Variants in MYH10 observed in about 807,000 individuals in gnomAD.
The protein encoded by MYH10 is myosin-10.
A neutral mutation model predicts 257.8 loss-of-function variants in MYH10; 55 were observed. The observed-to-expected ratio is 0.21, with a 90% CI of 0.17 to 0.27. MYH10 has a LOEUF of 0.27. Ranked by LOEUF, MYH10 falls within the 10% of genes least tolerant of loss-of-function variation. The probability of loss-of-function intolerance (pLI) is 1.00; values close to 1 mark genes in which losing one functional copy is unlikely to be tolerated. For missense variants in MYH10, 1,631 were observed against 2,500.6 expected, an observed-to-expected ratio of 0.65 and a Z score of 7.42; for synonymous variants, 854 against 921.7, an observed-to-expected ratio of 0.93 and a Z score of 1.33.
intron 6 of MYH10, among the ~76,000 whole-genome samples, chr17:8,570,238 A>G (rs2083291266): frequency 6.6e-6 from 1 of 152,244 alleles, no homozygotes; most frequent in Non-Finnish European, 1.5e-5. Flanking sequence ...TTACCACTGT[A>G]TTGATGTAGC....
intron 28 of MYH10, 66 bp from the exon 29 acceptor site, chr17:8,501,036 T>C: frequency 6.7e-7 from 1 of 1,482,284 alleles, no homozygotes; most frequent in Non-Finnish European, 9.1e-7. Context: ...ATTTTCTTTT[T>C]GAAAAAGTAC....
At chr17:8,628,382 C>T (rs566698071) in intron 1 of MYH10, among the ~76,000 whole-genome samples, 1 of 152,282 alleles carries the variant, frequency 6.6e-6, no homozygotes, top group South Asian at 2.1e-4. Flanking sequence ...TGAAATGTCA[C>T]CCAGCAAACT....
At chr17:8,621,777 G>A (rs776210850) in intron 2 of MYH10, among the ~76,000 whole-genome samples, 41 of 152,010 alleles carry the variant, frequency 2.7e-4, no homozygotes, top group African/African-American at 5.8e-4. Flanking sequence ...AGCTTTTCTC[G>A]TGGCTAGCTG....
chr17:8,480,040 G>C, intron 40 of MYH10, 70 bp downstream of exon 40: 1 of 1,511,710 alleles, frequency 6.6e-7, no homozygotes, highest in East Asian at 2.3e-5. Flanking sequence ...CCCCGAAAGG[G>C]GCATGCCTGT....
intron 17 of MYH10, among the ~76,000 whole-genome samples, chr17:8,529,807 CT>C (rs1247406580): frequency 5.9e-5 from 9 of 152,142 alleles, no homozygotes; most frequent in African/African-American, 2.2e-4. Context: ...ATAAATTTAT[CT>C]TTGAGTTTCG....
intron 4 of MYH10, among the ~76,000 whole-genome samples, chr17:8,579,394 C>G (rs1230464506): frequency 6.6e-6 from 1 of 152,132 alleles, no homozygotes; most frequent in African/African-American, 2.4e-5. Flanking sequence ...TAACCACAAA[C>G]TCAACCGCAG....
chr17:8,520,117 G>A (rs974517364), intron 19 of MYH10, among the ~76,000 whole-genome samples: 1 of 152,040 alleles, frequency 6.6e-6, no homozygotes, highest in African/African-American at 2.4e-5. Flanking sequence ...CATGTTTTTA[G>A]GAATCACTCC....
intron 1 of MYH10, among the ~76,000 whole-genome samples, chr17:8,624,885 C>T (rs2085612048): frequency 6.6e-6 from 1 of 152,156 alleles, no homozygotes; most frequent in Admixed American, 6.6e-5. Context: ...AAGATCCCGC[C>T]TCTACAGAAA....
At chr17:8,556,517 A>T (rs1304334641) in intron 7 of MYH10, among the ~76,000 whole-genome samples, 2 of 152,210 alleles carry the variant, frequency 1.3e-5, no homozygotes, top group Non-Finnish European at 2.9e-5. Context: ...ACTAGACATA[A>T]AGCACTACAT....
chr17:8,570,878 G>A (rs143742798), intron 6 of MYH10, among the ~76,000 whole-genome samples: 1 of 151,532 alleles, frequency 6.6e-6, no homozygotes, highest in East Asian at 1.9e-4. Context: ...CTGTCACTCA[G>A]CTGAAAGGGT....
intron 18 of MYH10, 26 bp from the exon 19 acceptor site, chr17:8,521,025 G>T (rs758769051): frequency 6.2e-7 from 1 of 1,610,914 alleles, no homozygotes; most frequent in African/African-American, 1.3e-5. Context: ...ATAGTTTCAT[G>T]GTTTAATCTT....
chr17:8,484,316 T>G (rs1189109580), intron 36 of MYH10, 50 bp from the exon 37 acceptor site: 1 of 1,563,204 alleles, frequency 6.4e-7, no homozygotes, highest in African/African-American at 1.4e-5. Flanking sequence ...TTAGTTTTAG[T>G]TAAAATAAAA....
At chr17:8,601,233 G>A (rs946496130) in intron 3 of MYH10, among the ~76,000 whole-genome samples, 9 of 152,190 alleles carry the variant, frequency 5.9e-5, no homozygotes, top group African/African-American at 2.2e-4. Flanking sequence ...GAGGCATCAG[G>A]AACAAAGGAA....
chr17:8,538,641 G>A (rs1248806061), intron 14 of MYH10, among the ~76,000 whole-genome samples: 1 of 152,056 alleles, frequency 6.6e-6, no homozygotes, highest in Admixed American at 6.5e-5. Context: ...TATAAATTAG[G>A]ACTATTTAGG....
chr17:8,491,947 T>C (rs1435888045), intron 34 of MYH10, among the ~76,000 whole-genome samples: 1 of 152,160 alleles, frequency 6.6e-6, no homozygotes, highest in Non-Finnish European at 1.5e-5. Context: ...AGGTCCCCAC[T>C]CACCTCATGT....
intron 6 of MYH10, among the ~76,000 whole-genome samples, chr17:8,576,411 T>C (rs2083498908): frequency 6.6e-6 from 1 of 152,106 alleles, no homozygotes; most frequent in African/African-American, 2.4e-5. Flanking sequence ...TTCAATGTCA[T>C]GATAAAAGGG....
At chr17:8,585,173 A>ATG (rs2083851572) in intron 4 of MYH10, among the ~76,000 whole-genome samples, 5 of 145,816 alleles carry the variant, frequency 3.4e-5, no homozygotes, top group African/African-American at 1.3e-4. Context: ...CTACATATAT[A>ATG]TATGTGTGTG....
At chr17:8,571,121 ATCT>A (rs1456502289) in intron 6 of MYH10, among the ~76,000 whole-genome samples, 1 of 151,174 alleles carries the variant, frequency 6.6e-6, no homozygotes, top group Non-Finnish European at 1.5e-5. Flanking sequence ...TGTACAACAA[ATCT>A]TCTGTTTTCC....
At chr17:8,540,235 T>A (rs2082256435) in intron 14 of MYH10, among the ~76,000 whole-genome samples, 1 of 152,220 alleles carries the variant, frequency 6.6e-6, no homozygotes, top group Middle Eastern at 3.2e-3. Context: ...ACTCAAGTGA[T>A]CTGCCTGCCT....
Sources: allele counts gnomAD v4.1 joint callset (sites outside exome capture counted in the v4.1 genomes callset), GRCh38; gene constraint gnomAD v4.1.1; transcripts MANE v1.5; gene names NCBI Gene and HGNC (gene_info 2026-07-23, HGNC 2026-07-21).